DAB1: variants seen among roughly 807,000 people sequenced by gnomAD.
DAB1 encodes the protein DAB adaptor protein 1, also known as disabled homolog 1.
In DAB1, 15 loss-of-function variants were observed where a neutral mutation model predicts 64.6. That is an observed-to-expected ratio of 0.23 (90% CI 0.16 to 0.36). The LOEUF (loss-of-function observed/expected upper bound fraction) is 0.36. DAB1 is among the 10% of genes least tolerant of loss of function. The probability of loss-of-function intolerance (pLI) is 1.00; values close to 1 mark genes in which losing one functional copy is unlikely to be tolerated. For synonymous variants in DAB1, 235 were observed against 251.9 expected, an observed-to-expected ratio of 0.93 and a Z score of 0.64; for missense variants, 596 against 706.7, an observed-to-expected ratio of 0.84 and a Z score of 1.78.
chr1:57,203,007 G>A (rs1665229664), intron 2 of DAB1, among the ~76,000 whole-genome samples: 2 of 152,164 alleles, frequency 1.3e-5, no homozygotes, highest in African/African-American at 4.8e-5. Context: ...CTCCTGAAAG[G>A]GGGTTTAAGT....
At chr1:58,124,817 G>A (rs1448732302) in intron 5 of DAB1, among the ~76,000 whole-genome samples, 1 of 152,142 alleles carries the variant, frequency 6.6e-6, no homozygotes, top group African/African-American at 2.4e-5. Flanking sequence ...TCATAGGAGA[G>A]CATTCTGAAG....
At chr1:57,341,824 G>T (rs1677612963) in intron 1 of DAB1, among the ~76,000 whole-genome samples, 1 of 152,150 alleles carries the variant, frequency 6.6e-6, no homozygotes, top group South Asian at 2.1e-4. Context: ...ACAGGTTCAG[G>T]GAATGCTACG....
rs1644852984 is a variant in DAB1 at position 57,924,584 on chromosome 1, C to CG, written n.388-40423dup. ...AAGCAATTCTCCTCCCTCAGCCTCCCGAGTAGCTGGGATTACAGGCACCCA... is the reference window on the plus strand; with the variant it reads ...AAGCAATTCTCCTCCCTCAGCCTCCCGGAGTAGCTGGGATTACAGGCACCCA... On this transcript the variant is annotated intron_variant and non_coding_transcript_variant, in intron 5 of 20. Transcript: ENST00000485760. Among the ~76,000 whole-genome samples the CG allele has an allele frequency of 4.6e-5, 7 of 151,564 alleles. No homozygotes were observed. In the Middle Eastern group the frequency reaches 0.01, roughly 227 times the overall value.
intron 7 of DAB1, among the ~76,000 whole-genome samples, chr1:57,615,565 C>T (rs543568205): frequency 2.0e-5 from 3 of 152,282 alleles, no homozygotes; most frequent in African/African-American, 7.2e-5. Flanking sequence ...TATCGTACTA[C>T]TTGGAACTGT....
intron 3 of DAB1, among the ~76,000 whole-genome samples, chr1:58,361,634 A>G (rs1382904674): frequency 1.3e-5 from 2 of 151,922 alleles, no homozygotes; most frequent in Non-Finnish European, 2.9e-5. Flanking sequence ...CTTTTTTCTG[A>G]CCCTGAGCAG....
chr1:57,986,153 G>T (rs899970233), intron 5 of DAB1, among the ~76,000 whole-genome samples: 1 of 152,094 alleles, frequency 6.6e-6, no homozygotes, highest in Non-Finnish European at 1.5e-5. Flanking sequence ...GAGCTAAAAG[G>T]GGGAGGAGGA....
chr1:57,947,083 T>C (rs1005160135), intron 5 of DAB1, among the ~76,000 whole-genome samples: 1 of 152,132 alleles, frequency 6.6e-6, no homozygotes, highest in Non-Finnish European at 1.5e-5. Context: ...ACATAGGTGA[T>C]CTCAATTCCT....
intron 1 of DAB1, among the ~76,000 whole-genome samples, chr1:57,357,829 G>A (rs1453569372): frequency 4.6e-5 from 7 of 151,926 alleles, no homozygotes; most frequent in South Asian, 4.1e-4. Context: ...TCACTATCAT[G>A]AGAGTACTGC....
chr1:57,160,987 G>C (rs977125906), intron 2 of DAB1, among the ~76,000 whole-genome samples: 5 of 151,996 alleles, frequency 3.3e-5, no homozygotes, highest in Admixed American at 2.6e-4. Flanking sequence ...ACTGCATCAC[G>C]GTTCAACTCT....
intron 9 of DAB1, among the ~76,000 whole-genome samples, chr1:57,043,139 G>A (rs561382989): frequency 1.3e-5 from 2 of 152,184 alleles, no homozygotes; most frequent in African/African-American, 2.4e-5. Flanking sequence ...TAGTGTGTCA[G>A]CAATCTGAGA....
chr1:57,558,284 C>G (rs1371828030), intron 7 of DAB1, among the ~76,000 whole-genome samples: 1 of 152,166 alleles, frequency 6.6e-6, no homozygotes, highest in Non-Finnish European at 1.5e-5. Context: ...CCCTGTGTTG[C>G]CTGAGGCAAC....
intron 4 of DAB1, among the ~76,000 whole-genome samples, chr1:58,206,563 A>G (rs550362461): frequency 6.6e-6 from 1 of 152,326 alleles, no homozygotes; most frequent in East Asian, 1.9e-4. Flanking sequence ...ACACTATGTT[A>G]TAACCTCCCA....
intron 3 of DAB1, among the ~76,000 whole-genome samples, chr1:58,464,863 C>T (rs1645279049): frequency 6.6e-6 from 1 of 152,190 alleles, no homozygotes. Flanking sequence ...CTTGCCCTCA[C>T]ACCTCAGCAG....
At chr1:58,005,316 A>T (rs1487654410) in intron 5 of DAB1, among the ~76,000 whole-genome samples, 3 of 152,150 alleles carry the variant, frequency 2.0e-5, no homozygotes, top group Non-Finnish European at 4.4e-5. Flanking sequence ...ACAGAAATGC[A>T]TGAGTCTGCC....
intron 5 of DAB1, among the ~76,000 whole-genome samples, chr1:58,075,935 T>C (rs1336425733): frequency 1.7e-5 from 2 of 116,566 alleles, no homozygotes; most frequent in Non-Finnish European, 4.4e-5. Context: ...TCTTTCTCTC[T>C]CTCTCTCTCA....
chr1:57,349,103 C>T (rs949656272), intron 1 of DAB1, among the ~76,000 whole-genome samples: 10 of 152,262 alleles, frequency 6.6e-5, no homozygotes, highest in African/African-American at 2.4e-4. Flanking sequence ...GCAAGTAATC[C>T]CAATAGCTCC....
At chr1:58,485,449 A>T (rs967811757) in intron 3 of DAB1, among the ~76,000 whole-genome samples, 43 of 152,086 alleles carry the variant, frequency 2.8e-4, no homozygotes, top group African/African-American at 9.6e-4. Context: ...TGTTCTTCAT[A>T]CAGGTTTTCT....
At chr1:57,309,450 T>G (rs1274431250) in intron 1 of DAB1, among the ~76,000 whole-genome samples, 2 of 152,234 alleles carry the variant, frequency 1.3e-5, no homozygotes, top group Non-Finnish European at 2.9e-5. Context: ...TAAAAGTGTC[T>G]TTTAAAAGAA....
At position 58,378,912 on chromosome 1, in the gene DAB1, C is replaced by T. The variant is rs534234894; in HGVS notation, n.258-35509G>A. On this transcript the variant is annotated intron_variant and non_coding_transcript_variant, in intron 3 of 20. Coordinates refer to the DAB1 transcript ENST00000485760. ...CCGTTTTTTAAGCCCGTCGGAAAAG[C>T]GCAATATTCGGGTGGGAGTGACCCG... 7.0e-4 allele frequency among the ~76,000 whole-genome samples: 50 copies of T among 71,704 alleles called. 10 individuals carry two copies. The highest frequency in any genetic ancestry group is 1.1e-3 in the Non-Finnish European group (44 of 38,908). The allele number at this position is 71,704 out of a possible 152,430, so 47.0% of individuals were successfully genotyped here.
Sources: allele counts gnomAD v4.1 joint callset (sites outside exome capture counted in the v4.1 genomes callset), GRCh38; gene constraint gnomAD v4.1.1; transcripts MANE v1.5; gene names NCBI Gene and HGNC (gene_info 2026-07-23, HGNC 2026-07-21).